Variants in LAMA1 observed in about 807,000 individuals in gnomAD.
LAMA1 encodes the protein laminin subunit alpha 1.
Under a neutral mutation model 348.7 loss-of-function variants are expected in LAMA1, and 219 were observed. The ratio of observed to expected loss-of-function variants is 0.63; its 90% CI spans 0.56 to 0.70. The LOEUF (loss-of-function observed/expected upper bound fraction) is 0.70. Ranked by LOEUF, LAMA1 falls within the 30% of genes least tolerant of loss-of-function variation. The pLI is 0.00. For synonymous variants in LAMA1, 1,487 were observed against 1,491.0 expected (o/e 1.00, Z 0.06); for missense variants, 3,744 against 3,888.0 (o/e 0.96, Z 0.99).
rs145219141 is a variant in LAMA1 at position 6,965,978 on chromosome 18, A to C, written c.7050+169T>G. On this transcript the variant is annotated intron_variant, in intron 49 of 62. Transcript: ENST00000389658. Reference sequence around the variant, plus strand: ...CAATGATAATAAATAATTTAAAATGAGGAAATTGTTTAGCACACACATATA... The same window carrying C: ...CAATGATAATAAATAATTTAAAATGCGGAAATTGTTTAGCACACACATATA... 1,551 of 700,782 alleles carry C rather than the reference A, an allele frequency of 2.2e-3. 14 individuals are homozygous for C. In the African/African-American group the frequency reaches 0.024, roughly 11 times the overall value. 43.4% of individuals were successfully genotyped at this position (700,782 alleles called of 1,614,324 possible). A position where few individuals can be genotyped will look rare whatever the true frequency, so the allele number is the denominator to read the frequency against.
At position 7,037,607 on chromosome 18, in the gene LAMA1, C is replaced by T; in HGVS notation, c.1708G>A (p.Ala570Thr). 1 of 1,614,026 alleles carries T rather than the reference C, an allele frequency of 6.2e-7. No individual in the cohort carries two copies. Among genetic ancestry groups the T allele is most frequent in the Non-Finnish European group, 8.5e-7 (1 of 1,179,998 alleles). ...TTTCCAAGGTAGGCCTCGGGGGCTG[C>T]CCAGTAGTACTTGGGAGCCAGTCTC... ...MQRLAPKYYW[A>T]APEAYLGNKL... Residue 570 changes from alanine to threonine, a missense_variant, in exon 12 of 63, where the codon GCA (alanine) becomes ACA (threonine). Transcript: ENST00000389658.
intron 3 of LAMA1, among the ~76,000 whole-genome samples, chr18:7,075,676 G>A (rs55864505): frequency 0.043 from 6,593 of 151,970 alleles, 483 homozygotes; most frequent in African/African-American, 0.15. Context: ...GGTGGCTTAC[G>A]CCGGTAATTC....
chr18:6,992,729 A>G lies in LAMA1; in HGVS notation c.5009-9T>C, dbSNP rs2057764354. ...TGTCTTTTCCATAATTTCTATGGAG[A>G]AAATTCATCAATTATTTAATAAGCC... On this transcript the variant is annotated splice_polypyrimidine_tract_variant and intron_variant, in intron 35 of 62. Coordinates refer to ENST00000389658, the MANE Select transcript of LAMA1 (RefSeq NM_005559.4). 2 of 1,608,924 alleles carry G rather than the reference A, an allele frequency of 1.2e-6. No homozygotes were observed. The highest frequency in any genetic ancestry group is 1.7e-6 in the Non-Finnish European group (2 of 1,175,506).
intron 1 of LAMA1, among the ~76,000 whole-genome samples, chr18:7,096,880 T>C (rs1400305612): frequency 6.6e-6 from 1 of 152,204 alleles, no homozygotes; most frequent in East Asian, 1.9e-4. Flanking sequence ...TGCTAGAGTT[T>C]TGGGTAAGAT....
At chr18:6,966,050 C>G in intron 49 of LAMA1, 97 bp downstream of exon 49, 1 of 1,323,292 alleles carries the variant, frequency 7.6e-7, no homozygotes, top group Non-Finnish European at 1.1e-6. Flanking sequence ...TACATATGTA[C>G]ATATTTAATT....
intron 3 of LAMA1, among the ~76,000 whole-genome samples, chr18:7,078,220 G>A (rs2058178345): frequency 1.3e-5 from 2 of 149,180 alleles, no homozygotes; most frequent in Admixed American, 6.7e-5. Context: ...AGGCTGGAGT[G>A]CAGTGGTGTG....
intron 12 of LAMA1, among the ~76,000 whole-genome samples, chr18:7,037,267 AG>A (rs1180500643): frequency 6.6e-6 from 1 of 152,208 alleles, no homozygotes; most frequent in Admixed American, 6.5e-5. Flanking sequence ...CGGGAATGTG[AG>A]GAACACTTCA....
chr18:7,022,372 A>G (rs2057921909), intron 19 of LAMA1, among the ~76,000 whole-genome samples: 1 of 152,248 alleles, frequency 6.6e-6, no homozygotes, highest in African/African-American at 2.4e-5. Context: ...TATGATAGCC[A>G]GTCAAGGTGG....
intron 1 of LAMA1, among the ~76,000 whole-genome samples, chr18:7,110,597 G>A (rs990792313): frequency 1.3e-5 from 2 of 152,082 alleles, no homozygotes; most frequent in Non-Finnish European, 2.9e-5. Context: ...TAAGGCAGGC[G>A]GATCACTTGA....
chr18:7,099,470 AT>A (rs1348352953), intron 1 of LAMA1, among the ~76,000 whole-genome samples: 1 of 148,972 alleles, frequency 6.7e-6, no homozygotes, highest in African/African-American at 2.5e-5. Context: ...TCAATAAAAA[AT>A]AAATAAATTT....
At chr18:6,966,365 C>T in intron 48 of LAMA1, 68 bp from the exon 49 acceptor site, 1 of 1,322,520 alleles carries the variant, frequency 7.6e-7, no homozygotes, top group Non-Finnish European at 1.1e-6. Context: ...AACACACTTA[C>T]TGAGTTCTCC....
chr18:7,077,946 C>A (rs998315552), intron 3 of LAMA1, among the ~76,000 whole-genome samples: 1 of 151,118 alleles, frequency 6.6e-6, no homozygotes, highest in Non-Finnish European at 1.5e-5. Context: ...CTCCTGTAAT[C>A]CCAGCTACTC....
intron 57 of LAMA1, among the ~76,000 whole-genome samples, chr18:6,952,542 T>G (rs567812430): frequency 6.6e-6 from 1 of 152,354 alleles, no homozygotes; most frequent in South Asian, 2.1e-4. Flanking sequence ...CAGTCCCTTC[T>G]TATTTGCGGT....
chr18:7,064,253 A>G (rs2143752389), intron 3 of LAMA1, among the ~76,000 whole-genome samples: 1 of 151,960 alleles, frequency 6.6e-6, no homozygotes, highest in African/African-American at 2.4e-5. Context: ...ATTTTATGAT[A>G]TGCATATTTT....
At chr18:7,047,156 T>C (rs1568045351) in intron 5 of LAMA1, among the ~76,000 whole-genome samples, 1 of 151,966 alleles carries the variant, frequency 6.6e-6, no homozygotes, top group Middle Eastern at 3.4e-3. Context: ...GCTATTCTCC[T>C]GCCTCAGCCT....
chr18:6,959,232 C>G lies in LAMA1; in HGVS notation c.7778+109G>C, dbSNP rs1037129866. 6 of 1,393,730 alleles carry G rather than the reference C, an allele frequency of 4.3e-6. No individual in the cohort carries two copies. The South Asian group carries it at 5.8e-5, about 14-fold the overall frequency. The allele number at this position is 1,393,730 out of a possible 1,614,324, so 86.3% of individuals were successfully genotyped here. ...CAAGGTTCTAGAATCGTCTGGATGCCGATGACCCCAGTCATCTAGCCGCCC... is the reference window on the plus strand; with the variant it reads ...CAAGGTTCTAGAATCGTCTGGATGCGGATGACCCCAGTCATCTAGCCGCCC... On this transcript the variant is annotated intron_variant, in intron 54 of 62. Coordinates refer to ENST00000389658, the MANE Select transcript of LAMA1 (RefSeq NM_005559.4).
At chr18:7,076,360 C>T (rs1164888449) in intron 3 of LAMA1, among the ~76,000 whole-genome samples, 1 of 152,172 alleles carries the variant, frequency 6.6e-6, no homozygotes, top group Non-Finnish European at 1.5e-5. Flanking sequence ...TGGGTGCCTC[C>T]TGATGTGAGG....
Position 7,049,162 on chromosome 18 carries a change from C to G in LAMA1, c.684G>C (p.Leu228Phe). 3 of 1,614,112 alleles carry G rather than the reference C, an allele frequency of 1.9e-6. No homozygotes were observed. The highest frequency in any genetic ancestry group is 2.5e-6 in the Non-Finnish European group (3 of 1,179,998). ...FTSARYIRLR[L>F]QRIRTLNADL... ...CTGCATTGAGCGTTCTAATGCGTTGCAAGCGAAGGCGAATATATCGTGCAG... is the reference window on the plus strand; with the variant it reads ...CTGCATTGAGCGTTCTAATGCGTTGGAAGCGAAGGCGAATATATCGTGCAG... Residue 228 changes from leucine to phenylalanine, a missense_variant, in exon 5 of 63, where the codon TTG becomes TTC. Leu to Phe is a conservative substitution (Grantham distance 22, BLOSUM62 0). Around this residue, in one of 3 missense-constraint regions of LAMA1, gnomAD observed 1,529 missense variants for 1,689.4 expected, o/e 0.91. Transcript: ENST00000389658.
intron 61 of LAMA1, among the ~76,000 whole-genome samples, chr18:6,943,807 C>G (rs1049210588): frequency 1.4e-5 from 2 of 140,854 alleles, no homozygotes; most frequent in African/African-American, 5.3e-5. Flanking sequence ...CGTACCATTG[C>G]ACTCCAGCCT....
Sources: allele counts gnomAD v4.1 joint callset (sites outside exome capture counted in the v4.1 genomes callset), GRCh38; gene constraint gnomAD v4.1.1; regional missense constraint gnomAD v4.1.1; transcripts MANE v1.5; gene names NCBI Gene and HGNC (gene_info 2026-07-23, HGNC 2026-07-21).